The following MEIS1 variants were observed in gnomAD, a reference collection of about 807,000 sequenced individuals.
The protein encoded by MEIS1 is Meis homeobox 1.
A neutral mutation model predicts 50.8 loss-of-function variants in MEIS1; 5 were observed. The ratio of observed to expected loss-of-function variants is 0.10; its 90% CI spans 0.05 to 0.21. The LOEUF (loss-of-function observed/expected upper bound fraction) is 0.21. Among genes scored for constraint, MEIS1 ranks in the 10% least tolerant of loss-of-function variants. The pLI, the probability that MEIS1 is intolerant of heterozygous loss-of-function variation, is 1.00. For missense variants in MEIS1, 318 were observed against 517.3 expected (o/e 0.61, Z 3.74); for synonymous variants, 176 against 179.3 (o/e 0.98, Z 0.15).
chr2:66,507,307 A>G (rs1673706942), intron 7 of MEIS1, among the ~76,000 whole-genome samples: 1 of 152,128 alleles, frequency 6.6e-6, no homozygotes, highest in Admixed American at 6.5e-5. Context: ...GGAGAAAAGT[A>G]AAGTTTAAAG....
intron 6 of MEIS1, among the ~76,000 whole-genome samples, chr2:66,455,486 C>T (rs1249860694): frequency 6.6e-6 from 1 of 152,196 alleles, no homozygotes; most frequent in Non-Finnish European, 1.5e-5. Flanking sequence ...TGTTTTACAT[C>T]TGTAGACCTC....
chr2:66,551,970 A>C (rs531119335), intron 9 of MEIS1, among the ~76,000 whole-genome samples: 1 of 151,936 alleles, frequency 6.6e-6, no homozygotes, highest in South Asian at 2.1e-4. Context: ...AAACATCTTA[A>C]ATTTTGAGAT....
rs530200448 is a variant in MEIS1, at chr2:66,435,554, C to T, written c.-303C>T. The T allele has an allele frequency of 2.7e-6, 1 of 368,088 alleles. No homozygotes were observed. Among genetic ancestry groups the T allele is most frequent in the Admixed American group, 4.6e-5 (1 of 21,890 alleles). 22.8% of individuals were successfully genotyped at this position (368,088 alleles called of 1,614,324 possible). A position where few individuals can be genotyped will look rare whatever the true frequency, so the allele number is the denominator to read the frequency against. ...CTCTTTTTTTTCCTTTTCTTTCTTT[C>T]TTTCTTTTTTTTTTTTTAAACTGAT... On this transcript the variant is annotated 5_prime_UTR_variant, in exon 1 of 13. Transcript: ENST00000272369.
chr2:66,527,591 A>AGTGTGTGTGTGT (rs71409176), intron 8 of MEIS1, among the ~76,000 whole-genome samples: 6 of 124,478 alleles, frequency 4.8e-5, no homozygotes, highest in Admixed American at 3.2e-4. Flanking sequence ...AGTAAAAGCA[A>AGTGTGTGTGTGT]GTGTGTGTGT....
intron 7 of MEIS1, among the ~76,000 whole-genome samples, chr2:66,468,622 A>C (rs1672695851): frequency 6.6e-6 from 1 of 152,174 alleles, no homozygotes; most frequent in Non-Finnish European, 1.5e-5. Context: ...CTAGAGCCCA[A>C]GCTCCTAACT....
chr2:66,462,295 A>C (rs1394100753), intron 6 of MEIS1, among the ~76,000 whole-genome samples: 1 of 152,224 alleles, frequency 6.6e-6, no homozygotes, highest in Non-Finnish European at 1.5e-5. Context: ...CCAGTCAACA[A>C]TAGTAGTGAG....
intron 7 of MEIS1, among the ~76,000 whole-genome samples, chr2:66,509,534 C>T (rs931298386): frequency 6.6e-6 from 1 of 152,186 alleles, no homozygotes; most frequent in East Asian, 1.9e-4. Flanking sequence ...GTAATAGAAA[C>T]CTTTTATTCA....
At chr2:66,523,044 G>A (rs191196235) in intron 8 of MEIS1, among the ~76,000 whole-genome samples, 1 of 152,316 alleles carries the variant, frequency 6.6e-6, no homozygotes, top group East Asian at 1.9e-4. Context: ...CAGTGCAGCA[G>A]TTACTGAACA....
chr2:66,548,318 T>A (rs1379134568), intron 9 of MEIS1, among the ~76,000 whole-genome samples: 1 of 152,228 alleles, frequency 6.6e-6, no homozygotes, highest in Non-Finnish European at 1.5e-5. Context: ...GGCTTTTTTT[T>A]TCCCCCTTCA....
intron 2 of MEIS1, among the ~76,000 whole-genome samples, chr2:66,438,827 C>T (rs1671867977): frequency 6.6e-6 from 1 of 151,626 alleles, no homozygotes; most frequent in Non-Finnish European, 1.5e-5. Flanking sequence ...GACCCTCCCT[C>T]GCTGGAAAAA....
At chr2:66,555,036 G>A (rs1311981820) in intron 9 of MEIS1, among the ~76,000 whole-genome samples, 1 of 152,188 alleles carries the variant, frequency 6.6e-6, no homozygotes, top group Non-Finnish European at 1.5e-5. Flanking sequence ...TTATTGTACA[G>A]CAAAATTTGT....
intron 8 of MEIS1, among the ~76,000 whole-genome samples, chr2:66,521,144 T>G (rs4586617): frequency 0.86 from 130,411 of 152,236 alleles, 56,689 homozygotes; most frequent in South Asian, 0.93. Flanking sequence ...GAAAGCTACA[T>G]CTGTTGATAT....
intron 1 of MEIS1, 122 bp downstream of exon 1, chr2:66,435,990 C>A: frequency 2.5e-6 from 2 of 804,268 alleles, no homozygotes; most frequent in East Asian, 3.1e-5. Flanking sequence ...GCTCCTAAAG[C>A]CGTGGCCTAA....
At chr2:66,439,380 A>C in intron 2 of MEIS1, 3 of 1,255,430 alleles carry the variant, frequency 2.4e-6, no homozygotes, top group Non-Finnish European at 3.0e-6. Flanking sequence ...AGCGCCTGCC[A>C]CCGAGATCCC....
At chr2:66,535,560 G>A (rs1674498835) in intron 8 of MEIS1, among the ~76,000 whole-genome samples, 1 of 152,108 alleles carries the variant, frequency 6.6e-6, no homozygotes, top group African/African-American at 2.4e-5. Context: ...GCACCTCCCT[G>A]CCCCCAGCCC....
intron 9 of MEIS1, among the ~76,000 whole-genome samples, chr2:66,565,227 G>A (rs1675318079): frequency 6.6e-6 from 1 of 152,152 alleles, no homozygotes; most frequent in South Asian, 2.1e-4. Context: ...GTCTCAATAT[G>A]TGAATATGAT....
intron 8 of MEIS1, among the ~76,000 whole-genome samples, chr2:66,532,756 T>C (rs190486532): frequency 9.8e-5 from 15 of 152,350 alleles, no homozygotes; most frequent in African/African-American, 3.4e-4. Flanking sequence ...TTTGCATTTT[T>C]AAAAATTGGT....
In MEIS1 at chr2:66,512,255, C is replaced by T. The variant is rs528796945; in HGVS notation, c.849C>T (p.Ala283=). The change falls in exon 8 of 13, where the codon GCC becomes GCT. Residue 283 remains alanine, a synonymous_variant. Transcript: ENST00000272369. The part of the protein sequence containing the change: ...HKKRGIFPKV[A]TNIMRAWLFQ... ...AGCGTGGCATCTTTCCCAAAGTAGCCACAAATATCATGAGGGCGTGGCTGT... is the reference window on the plus strand; with the variant it reads ...AGCGTGGCATCTTTCCCAAAGTAGCTACAAATATCATGAGGGCGTGGCTGT... 3 of 1,612,582 alleles carry T rather than the reference C, an allele frequency of 1.9e-6. No individual in the cohort carries two copies. The highest frequency in any genetic ancestry group is 2.2e-5 in the East Asian group (1 of 44,846).
At chr2:66,539,947 C>T (rs181988637) in intron 8 of MEIS1, among the ~76,000 whole-genome samples, 1 of 152,122 alleles carries the variant, frequency 6.6e-6, no homozygotes, top group Admixed American at 6.5e-5. Flanking sequence ...ATGGTTCATA[C>T]TCCCTTATAA....
Sources: allele counts gnomAD v4.1 joint callset (sites outside exome capture counted in the v4.1 genomes callset), GRCh38; gene constraint gnomAD v4.1.1; transcripts MANE v1.5; gene names NCBI Gene and HGNC (gene_info 2026-07-23, HGNC 2026-07-21).